Variants in ALDH1A2 observed in about 807,000 individuals in gnomAD.
The protein encoded by ALDH1A2 is aldehyde dehydrogenase 1 family member A2.
Under a neutral mutation model 60.3 loss-of-function variants are expected in ALDH1A2, and 27 were observed. The ratio of observed to expected loss-of-function variants is 0.45; its 90% CI spans 0.33 to 0.62. The LOEUF is 0.62. ALDH1A2 is among the 20% of genes least tolerant of loss of function. The pLI is 0.02. For missense variants in ALDH1A2, 581 were observed against 643.8 expected, an observed-to-expected ratio of 0.90 and a Z score of 1.06; for synonymous variants, 289 against 232.4, an observed-to-expected ratio of 1.24 and a Z score of -2.21.
intron 4 of ALDH1A2, among the ~76,000 whole-genome samples, chr15:58,010,019 A>G (rs188051976): frequency 3.3e-5 from 5 of 152,226 alleles, no homozygotes; most frequent in Admixed American, 6.5e-5. Context: ...TTAGCACCCA[A>G]TTATAACACT....
chr15:57,958,356 T>C (rs561886335), intron 12 of ALDH1A2, among the ~76,000 whole-genome samples: 1 of 152,388 alleles, frequency 6.6e-6, no homozygotes, highest in African/African-American at 2.4e-5. Context: ...ATTTTATGGC[T>C]TGTGCTTTGC....
intron 1 of ALDH1A2, among the ~76,000 whole-genome samples, chr15:58,025,819 T>C (rs75080829): frequency 9.5e-4 from 145 of 152,312 alleles, no homozygotes; most frequent in Middle Eastern, 6.8e-3. Context: ...GTGTGTTACA[T>C]GGTGACAGAG....
At chr15:58,006,267 T>C (rs1333594285) in intron 4 of ALDH1A2, among the ~76,000 whole-genome samples, 2 of 151,962 alleles carry the variant, frequency 1.3e-5, no homozygotes, top group Non-Finnish European at 2.9e-5. Context: ...TATAAGATAT[T>C]TGGTTTTCCA....
chr15:57,990,428 C>G (rs1242144320), intron 7 of ALDH1A2: 1 of 152,106 alleles, frequency 6.6e-6, no homozygotes, highest in Non-Finnish European at 1.5e-5. Context: ...AAAAACCACC[C>G]TCAAGTGTAC....
chr15:58,034,970 G>A (rs1426246699), intron 1 of ALDH1A2, among the ~76,000 whole-genome samples: 1 of 151,596 alleles, frequency 6.6e-6, no homozygotes, highest in Non-Finnish European at 1.5e-5. Flanking sequence ...TGATATTAGG[G>A]TAACGATGGC....
chr15:57,973,688 G>A (rs548753580), intron 7 of ALDH1A2, among the ~76,000 whole-genome samples: 45 of 152,226 alleles, frequency 3.0e-4, no homozygotes, highest in African/African-American at 1.0e-3. Context: ...GACAAATGCC[G>A]CTCTCCCTTA....
At chr15:58,046,163 A>T (rs1482268396) in intron 1 of ALDH1A2, among the ~76,000 whole-genome samples, 1 of 152,048 alleles carries the variant, frequency 6.6e-6, no homozygotes, top group East Asian at 1.9e-4. Context: ...TAGATATCTC[A>T]CGGTCTCCAA....
At chr15:58,036,726 C>T (rs371174704) in intron 1 of ALDH1A2, 2 of 151,590 alleles carry the variant, frequency 1.3e-5, no homozygotes, top group Non-Finnish European at 3.0e-5. Context: ...GCTTCAATGA[C>T]AAGATTACTC....
At chr15:57,965,632 A>C in intron 8 of ALDH1A2, 93 bp downstream of exon 8, 1 of 964,626 alleles carries the variant, frequency 1.0e-6, no homozygotes, top group South Asian at 1.3e-5. Context: ...AGCTTCAAAT[A>C]TCTTTTGCTA....
At chr15:58,037,719 G>C (rs763432187) in intron 1 of ALDH1A2, among the ~76,000 whole-genome samples, 2 of 151,520 alleles carry the variant, frequency 1.3e-5, no homozygotes, top group Non-Finnish European at 3.0e-5. Context: ...GTACTGTCTG[G>C]AAGTGTGCAA....
intron 7 of ALDH1A2, among the ~76,000 whole-genome samples, chr15:57,970,247 G>GTGA (rs1391659144): frequency 6.6e-6 from 1 of 152,184 alleles, no homozygotes; most frequent in African/African-American, 2.4e-5. Context: ...GAAAGAGTAA[G>GTGA]TGATAGTGTT....
chr15:57,995,450 G>T (rs748747262), intron 4 of ALDH1A2, among the ~76,000 whole-genome samples: 7 of 151,866 alleles, frequency 4.6e-5, no homozygotes, highest in Admixed American at 2.0e-4. Flanking sequence ...TGTAAAAATT[G>T]AATTTTATGT....
chr15:57,954,738 A>G lies in ALDH1A2; in HGVS notation c.*459T>C, dbSNP rs1478964171. The G allele has an allele frequency of 1.0e-5, 2 of 191,180 alleles. No homozygotes were observed. The highest frequency in any genetic ancestry group is 2.2e-5 in the Non-Finnish European group (2 of 89,378). The allele number at this position is 191,180 out of a possible 1,614,324, so 11.8% of individuals were successfully genotyped here. A position where few individuals can be genotyped will look rare whatever the true frequency, so the allele number is the denominator to read the frequency against. On this transcript the variant is annotated 3_prime_UTR_variant, in exon 13 of 13. Coordinates refer to ENST00000249750, the MANE Select transcript of ALDH1A2 (RefSeq NM_003888.4). ...CCTTGAAAAATTGTTCCCGGCCCAA[A>G]CATCTGCCCCAGAATGAGCTCAGCT... is the stretch of plus-strand genomic sequence containing the variant.
chr15:57,961,361 A>C (rs907534870), intron 10 of ALDH1A2, 67 bp from the exon 11 acceptor site: 2 of 1,569,562 alleles, frequency 1.3e-6, no homozygotes, highest in African/African-American at 2.7e-5. Flanking sequence ...CCACATTTCA[A>C]TGCAAGTTTA....
chr15:57,969,271 A>G (rs1260652400), intron 7 of ALDH1A2, among the ~76,000 whole-genome samples: 3 of 152,224 alleles, frequency 2.0e-5, no homozygotes, highest in Non-Finnish European at 2.9e-5. Context: ...AAGGACTCCC[A>G]TGTAAACCTA....
chr15:58,043,579 A>C (rs1032394897), intron 1 of ALDH1A2, among the ~76,000 whole-genome samples: 1 of 151,992 alleles, frequency 6.6e-6, no homozygotes, highest in African/African-American at 2.4e-5. Context: ...CTTCTTTTCC[A>C]ATTATGTCTA....
intron 7 of ALDH1A2, among the ~76,000 whole-genome samples, chr15:57,983,978 C>A (rs8041922): frequency 0.88 from 134,543 of 152,270 alleles, 60,811 homozygotes; most frequent in East Asian, 1. Flanking sequence ...TAGGAAAAAA[C>A]GGAGTTACAA....
chr15:57,982,136 T>A (rs1235063725), intron 7 of ALDH1A2, among the ~76,000 whole-genome samples: 1 of 152,116 alleles, frequency 6.6e-6, no homozygotes, highest in Non-Finnish European at 1.5e-5. Flanking sequence ...CACTATTGCA[T>A]TGTAGATTAA....
At chr15:58,055,119 G>A (rs559089780) in intron 1 of ALDH1A2, among the ~76,000 whole-genome samples, 2 of 152,140 alleles carry the variant, frequency 1.3e-5, no homozygotes, top group African/African-American at 4.8e-5. Context: ...TGGTTATTAT[G>A]TTTGTCCTTA....
Sources: gnomAD v4.1 joint callset for allele counts (sites outside exome capture counted in the v4.1 genomes callset) on GRCh38, gnomAD v4.1.1 for gene constraint, MANE v1.5 for transcripts, NCBI Gene and HGNC (gene_info 2026-07-23, HGNC 2026-07-21) for gene names.